Variants in CMIP observed in about 807,000 individuals in gnomAD.
CMIP encodes C-Maf-inducing protein.
Under a neutral mutation model 97.3 loss-of-function variants are expected in CMIP, and 13 were observed. The ratio of observed to expected loss-of-function variants is 0.13; its 90% CI spans 0.09 to 0.21. CMIP has a LOEUF of 0.21. CMIP is among the 10% of genes least tolerant of loss of function. CMIP has a pLI of 1.00. For missense variants in CMIP, 847 were observed against 1,024.9 expected, an observed-to-expected ratio of 0.83 and a Z score of 2.37; for synonymous variants, 538 against 436.3, an observed-to-expected ratio of 1.23 and a Z score of -2.91.
intron 1 of CMIP, among the ~76,000 whole-genome samples, chr16:81,494,875 G>A (rs148069585): frequency 3.7e-4 from 57 of 152,322 alleles, no homozygotes; most frequent in African/African-American, 1.4e-3. Context: ...CTTGCCAGGT[G>A]CTTTCTCATT....
intron 1 of CMIP, among the ~76,000 whole-genome samples, chr16:81,474,729 T>C (rs1029012077): frequency 2.0e-5 from 3 of 152,214 alleles, no homozygotes; most frequent in African/African-American, 4.8e-5. Context: ...GCCCTCCTCC[T>C]GGGGCTCCCT....
Position 81,445,213 on chromosome 16 carries a change from CG to C in CMIP, c.-28del. 2 of 1,460,898 alleles carry C rather than the reference CG, an allele frequency of 1.4e-6. No homozygotes were observed. The highest frequency in any genetic ancestry group is 1.8e-6 in the Non-Finnish European group (2 of 1,102,556). The allele number at this position is 1,460,898 out of a possible 1,614,324, so 90.5% of individuals were successfully genotyped here. ...GCAGCCCAGGACAGCCCCCTCTCCC[CG>C]CCCCCAGCCCCCTCCCCCGGCGCGG... On this transcript the variant is annotated 5_prime_UTR_variant, in exon 1 of 21. Transcript: ENST00000537098.
intron 1 of CMIP, among the ~76,000 whole-genome samples, chr16:81,499,356 T>C (rs1000719243): frequency 6.6e-6 from 1 of 152,200 alleles, no homozygotes; most frequent in Non-Finnish European, 1.5e-5. Flanking sequence ...TGCACACCCA[T>C]GTACACATGT....
chr16:81,694,377 C>T (rs1906461822), intron 13 of CMIP, among the ~76,000 whole-genome samples: 1 of 152,156 alleles, frequency 6.6e-6, no homozygotes. Context: ...GAGTTCCTCT[C>T]CATAGAGCCA....
At chr16:81,694,231 G>C (rs1257276105) in intron 13 of CMIP, among the ~76,000 whole-genome samples, 1 of 152,172 alleles carries the variant, frequency 6.6e-6, no homozygotes, top group Admixed American at 6.5e-5. Context: ...ACTGTGTGCT[G>C]TGCTCTGAGA....
chr16:81,707,784 C>G (rs1038662888), intron 20 of CMIP, among the ~76,000 whole-genome samples: 3 of 152,240 alleles, frequency 2.0e-5, no homozygotes, highest in African/African-American at 4.8e-5. Context: ...TGGGCCTGTA[C>G]CAGCTGCCCC....
rs115739752 is a variant in CMIP at position 81,617,862 on chromosome 16, C to T, written c.427-3014C>T. On this transcript the variant is annotated intron_variant, in intron 2 of 20. Transcript: ENST00000537098. ...AGGATACAGTGGTAGGTAGAGCATG[C>T]GTGGCCCCTTCCCTCTTAGGGTCAC... is the stretch of plus-strand genomic sequence containing the variant. Among the ~76,000 whole-genome samples the T allele has an allele frequency of 8.7e-3, 1,320 of 152,364 alleles. 21 individuals carry two copies. Among genetic ancestry groups the T allele is most frequent in the African/African-American group, 0.031 (1,273 of 41,594 alleles).
At chr16:81,492,461 A>G (rs2089420743) in intron 1 of CMIP, among the ~76,000 whole-genome samples, 1 of 152,166 alleles carries the variant, frequency 6.6e-6, no homozygotes, top group South Asian at 2.1e-4. Flanking sequence ...ATGAAGATGA[A>G]AAAGTGTCCC....
intron 3 of CMIP, among the ~76,000 whole-genome samples, chr16:81,623,807 A>C (rs545126972): frequency 4.6e-4 from 70 of 152,352 alleles, no homozygotes; most frequent in South Asian, 1.2e-3. Context: ...TACTGAGTAC[A>C]TGTGAGATGC....
In CMIP at chr16:81,670,171, G is replaced by A. The variant is rs1175266687; in HGVS notation, c.855G>A (p.Leu285=). ...TTGGGAAGTGCCCGCGACTGAGGCT[G>A]TTTACTCAGGAGTACATCCTTGCCT... The part of the protein sequence containing the change: ...MDFGKCPRLR[L]FTQEYILALN... The change falls in exon 8 of 21, where the codon CTG becomes CTA. Residue 285 remains leucine (L), a synonymous_variant. Transcript: ENST00000537098. The A allele has an allele frequency of 6.2e-7, 1 of 1,611,004 alleles. No individual in the cohort carries two copies. Among genetic ancestry groups the A allele is most frequent in the African/African-American group, 1.3e-5 (1 of 75,014 alleles).
Position 81,445,521 on chromosome 16 carries a change from A to G in CMIP, c.280A>G (p.Asn94Asp). ...GCCGCACCACCTAACGCTGGCCGAC[A>G]ACAGCCTGGCGTCCGCCACGGTGAG... is the stretch of plus-strand genomic sequence containing the variant. ...WEPHHLTLAD[N>D]SLASATPTGY... The change falls in exon 1 of 21, where the codon AAC becomes GAC. Residue 94 changes from asparagine to aspartate, a missense_variant. Transcript: ENST00000537098. 1 of 1,549,662 alleles carries G rather than the reference A, an allele frequency of 6.5e-7. No individual in the cohort carries two copies. Among genetic ancestry groups the G allele is most frequent in the Non-Finnish European group, 8.7e-7 (1 of 1,146,916 alleles).
chr16:81,561,396 C>T (rs2090880734), intron 1 of CMIP, among the ~76,000 whole-genome samples: 2 of 152,180 alleles, frequency 1.3e-5, no homozygotes, highest in African/African-American at 4.8e-5. Context: ...TCAAGGGACC[C>T]AGCTATGCAG....
intron 1 of CMIP, among the ~76,000 whole-genome samples, chr16:81,526,498 A>G (rs2090136257): frequency 6.6e-6 from 1 of 152,238 alleles, no homozygotes; most frequent in Non-Finnish European, 1.5e-5. Flanking sequence ...TACAGTAGTT[A>G]TCAGGCCCAC....
intron 1 of CMIP, among the ~76,000 whole-genome samples, chr16:81,593,856 C>T (rs142185412): frequency 8.5e-5 from 13 of 152,242 alleles, no homozygotes; most frequent in Admixed American, 3.9e-4. Flanking sequence ...GTGCTGAGCA[C>T]GCCACATGCC....
At chr16:81,474,364 C>G (rs968177909) in intron 1 of CMIP, among the ~76,000 whole-genome samples, 1 of 152,054 alleles carries the variant, frequency 6.6e-6, no homozygotes, top group African/African-American at 2.4e-5. Flanking sequence ...TTTTCCATTC[C>G]TCCCTTCCCC....
Position 81,655,381 on chromosome 16 carries a change from G to A in CMIP, c.640-2394G>A, listed in dbSNP as rs892045250. 2.6e-5 allele frequency among the ~76,000 whole-genome samples: 4 copies of A among 152,110 alleles called. No individual in the cohort carries two copies. The highest frequency in any genetic ancestry group is 2.1e-4 in the South Asian group (1 of 4,824). ...GCTGCTAAGGACGCAAAACAGTTCC[G>A]AGAAAGAACTGTCCGTCCACCAGCA... is the stretch of plus-strand genomic sequence containing the variant. On this transcript the variant is annotated intron_variant, in intron 4 of 20. Coordinates refer to ENST00000537098, the MANE Select transcript of CMIP (RefSeq NM_198390.3). The surrounding 1 kb of genome is among the most constrained non-coding windows in gnomAD (Gnocchi z 4.9).
intron 1 of CMIP, among the ~76,000 whole-genome samples, chr16:81,546,857 T>A (rs756971800): frequency 9.2e-5 from 14 of 152,174 alleles, no homozygotes; most frequent in Admixed American, 6.5e-5. Context: ...AAATTCAGCT[T>A]GTGAGGCACG....
chr16:81,462,504 T>TAA lies in CMIP; in HGVS notation c.300+16973_300+16974dup, dbSNP rs200513793. On this transcript the variant is annotated intron_variant, in intron 1 of 20. Transcript: ENST00000537098. ...TGCACAGAAATAAACATGTAAGTGA[T>TAA]AAAAAAAAAAATGTTTCATTAAGTA... is the stretch of plus-strand genomic sequence containing the variant. 2.5e-3 allele frequency among the ~76,000 whole-genome samples: 366 copies of TAA among 149,102 alleles called. 3 individuals are homozygous for TAA. Among genetic ancestry groups the TAA allele is most frequent in the African/African-American group, 8.3e-3 (339 of 40,732 alleles).
At chr16:81,552,265 A>G (rs1351839358) in intron 1 of CMIP, among the ~76,000 whole-genome samples, 1 of 152,036 alleles carries the variant, frequency 6.6e-6, no homozygotes, top group Non-Finnish European at 1.5e-5. Context: ...TGGGCTGATA[A>G]GGGCTGGCTG....
Sources: allele counts gnomAD v4.1 joint callset (sites outside exome capture counted in the v4.1 genomes callset), GRCh38; gene constraint gnomAD v4.1.1; non-coding constraint Gnocchi (gnomAD v3.1); transcripts MANE v1.5; gene names NCBI Gene and HGNC (gene_info 2026-07-23, HGNC 2026-07-21).